BBOF1: variants seen among roughly 807,000 people sequenced by gnomAD.
BBOF1 encodes the protein basal body-orientation factor 1.
BBOF1 carries 62 observed loss-of-function variants against 68.0 expected under a neutral mutation model. The observed-to-expected ratio is 0.91, with a 90% confidence interval of 0.74 to 1.13. The LOEUF is 1.13. Among genes scored for constraint, BBOF1 ranks in the 50% most tolerant of loss-of-function variants. The probability of loss-of-function intolerance (pLI) is 0.00; values close to 1 mark genes in which losing one functional copy is unlikely to be tolerated. For synonymous variants in BBOF1, 208 were observed against 198.8 expected (o/e 1.05, Z -0.39); for missense variants, 534 against 600.1 (o/e 0.89, Z 1.15).
intron 1 of BBOF1, among the ~76,000 whole-genome samples, 162 bp from the exon 2 acceptor site, chr14:74,022,754 A>C (rs1361673566): frequency 6.6e-6 from 1 of 152,166 alleles, no homozygotes. Context: ...TTTCTTATTA[A>C]CTTATTCTTC....
At chr14:74,074,924 A>G in intron 9 of BBOF1, 2 of 1,605,490 alleles carry the variant, frequency 1.2e-6, no homozygotes, top group South Asian at 1.1e-5. Flanking sequence ...ATTCCTTCTC[A>G]GAAGTCAACC....
In BBOF1 at chr14:74,029,284, T is replaced by A. The variant is rs771313079; in HGVS notation, c.351+35T>A. The A allele has an allele frequency of 9.5e-6, 13 of 1,372,446 alleles. No individual in the cohort carries two copies. The East Asian group carries it at 3.0e-4, about 31-fold the overall frequency. 85.0% of individuals were successfully genotyped at this position (1,372,446 alleles called of 1,614,324 possible). A position where few individuals can be genotyped will look rare whatever the true frequency, so the allele number is the denominator to read the frequency against. Reference sequence around the variant, plus strand: ...CTATGTGTACTAATACTCCACTTACTGGATGGTCAGGTTTCTGGCAAGCTC... The same window carrying A: ...CTATGTGTACTAATACTCCACTTACAGGATGGTCAGGTTTCTGGCAAGCTC... On this transcript the variant is annotated intron_variant, in intron 3 of 11. Coordinates refer to ENST00000394009, the MANE Select transcript of BBOF1 (RefSeq NM_025057.3).
At position 74,019,365 on chromosome 14, in the gene BBOF1, C is replaced by G; in HGVS notation, c.-114C>G. 2.2e-6 allele frequency: 3 copies of G among 1,349,994 alleles called. No homozygotes were observed. The highest frequency in any genetic ancestry group is 1.5e-5 in the South Asian group (1 of 65,274). 83.6% of individuals were successfully genotyped at this position (1,349,994 alleles called of 1,614,324 possible). On this transcript the variant is annotated 5_prime_UTR_variant, in exon 1 of 12. Coordinates refer to ENST00000394009, the MANE Select transcript of BBOF1 (RefSeq NM_025057.3). The stretch of plus-strand genomic sequence containing the variant: ...GGCGCGTGCGCTCTCCGCGCGCCGT[C>G]AGCGGCGCGGGTGGGGCATTGCCAG...
intron 1 of BBOF1, 146 bp downstream of exon 1, chr14:74,019,680 C>G: frequency 2.2e-6 from 3 of 1,373,960 alleles, no homozygotes; most frequent in Non-Finnish European, 2.9e-6. Context: ...GCTCCCATGT[C>G]CATAGTCTGG....
chr14:74,064,862 C>G lies in BBOF1; in HGVS notation c.*163C>G, dbSNP rs147635769. On this transcript the variant is annotated 3_prime_UTR_variant, in exon 12 of 12. Coordinates refer to ENST00000394009, the MANE Select transcript of BBOF1 (RefSeq NM_025057.3). The stretch of plus-strand genomic sequence containing the variant: ...ATTGGTGTCTCCCCTGAAGGAGGAT[C>G]GAGAGCCGGTGAATGAGAACATTGG... 21 of 1,613,862 alleles carry G rather than the reference C, an allele frequency of 1.3e-5. No individual in the cohort carries two copies. The highest frequency in any genetic ancestry group is 5.3e-5 in the African/African-American group (4 of 74,868).
rs746600420 is a variant in BBOF1, at chr14:74,072,020, CTT to C, written n.1380-6173_1380-6172del. 6 of 1,598,422 alleles carry C rather than the reference CTT, an allele frequency of 3.8e-6. No homozygotes were observed. In the South Asian group the frequency reaches 5.5e-5, roughly 15 times the overall value. On this transcript the variant is annotated intron_variant and non_coding_transcript_variant, in intron 9 of 12. Transcript: ENST00000492026. The stretch of plus-strand genomic sequence containing the variant: ...TAGAAATTAATGCAAGAATGTTCCT[CTT>C]TTAAATTCTGAGGTAGCAAAGGAAG...
intron 2 of BBOF1, among the ~76,000 whole-genome samples, chr14:74,028,373 AAAAG>A (rs1170798468): frequency 6.6e-6 from 1 of 151,988 alleles, no homozygotes; most frequent in African/African-American, 2.4e-5. Flanking sequence ...TGTCTCAAAA[AAAAG>A]AAAGAAAAAC....
chr14:74,054,071 T>C (rs1290622768), intron 8 of BBOF1, among the ~76,000 whole-genome samples: 1 of 151,782 alleles, frequency 6.6e-6, no homozygotes, highest in African/African-American at 2.4e-5. Flanking sequence ...AGAGACAGAG[T>C]TTCACCATGT....
chr14:74,042,845 T>TTCTC (rs1052857687), intron 5 of BBOF1, among the ~76,000 whole-genome samples: 1 of 141,572 alleles, frequency 7.1e-6, no homozygotes, highest in Non-Finnish European at 1.5e-5. Flanking sequence ...CTCGCTCTGT[T>TTCTC]TCTCTCTCTC....
At chr14:74,069,516 C>T (rs1047516635), downstream of BBOF1, among the ~76,000 whole-genome samples, 5 of 151,728 alleles carry the variant, frequency 3.3e-5, no homozygotes, top group Admixed American at 1.3e-4. Context: ...TTTGGGAGGC[C>T]GAGGCAGGTG....
At chr14:74,041,623 CA>C (rs2059826608) in intron 5 of BBOF1, among the ~76,000 whole-genome samples, 1 of 152,110 alleles carries the variant, frequency 6.6e-6, no homozygotes, top group African/African-American at 2.4e-5. Context: ...AGTCACAGCT[CA>C]CTGCAGCCTT....
At chr14:74,026,789 G>C (rs2059439290) in intron 2 of BBOF1, among the ~76,000 whole-genome samples, 1 of 151,880 alleles carries the variant, frequency 6.6e-6, no homozygotes, top group Non-Finnish European at 1.5e-5. Context: ...GCCGGGTGTG[G>C]TAGTGTGCAC....
intron 9 of BBOF1, among the ~76,000 whole-genome samples, chr14:74,056,198 A>AT (rs34594924): frequency 0.19 from 23,344 of 123,780 alleles, 2,740 homozygotes; most frequent in South Asian, 0.36. Flanking sequence ...CGCCCGGCTA[A>AT]TTTTTTTTTT....
At chr14:74,067,692 G>C, downstream of BBOF1, 1 of 1,034,462 alleles carries the variant, frequency 9.7e-7, no homozygotes, top group Non-Finnish European at 1.5e-6. Context: ...GAAGGCTGAG[G>C]TGAGAAGGAT....
rs1448906789 is a variant in BBOF1 at position 74,065,102 on chromosome 14, T to TG, written c.*404dup. On this transcript the variant is annotated 3_prime_UTR_variant, in exon 12 of 12. Transcript: ENST00000394009. The stretch of plus-strand genomic sequence containing the variant: ...GGTCATGGGGGCAATCTTAAACCAA[T>TG]GACTCACCATTATTTACTGTTTCCT... The TG allele has an allele frequency of 6.5e-7, 1 of 1,549,136 alleles. No homozygotes were observed. Among genetic ancestry groups the TG allele is most frequent in the Admixed American group, 1.7e-5 (1 of 58,850 alleles).
chr14:74,019,835 A>G (rs1455943911), intron 1 of BBOF1, among the ~76,000 whole-genome samples: 1 of 152,254 alleles, frequency 6.6e-6, no homozygotes, highest in Non-Finnish European at 1.5e-5. Flanking sequence ...GGTTTTCCCA[A>G]ACTGATCAGA....
chr14:74,023,568 A>G (rs1394670871), intron 2 of BBOF1, among the ~76,000 whole-genome samples: 1 of 152,156 alleles, frequency 6.6e-6, no homozygotes, highest in African/African-American at 2.4e-5. Context: ...TGAATCTTGT[A>G]TCTTATTGTA....
chr14:74,024,902 C>G (rs2059391041), intron 2 of BBOF1, among the ~76,000 whole-genome samples: 2 of 152,002 alleles, frequency 1.3e-5, no homozygotes, highest in Non-Finnish European at 1.5e-5. Flanking sequence ...AGCACCTGGT[C>G]CAGAAATTTC....
intron 2 of BBOF1, among the ~76,000 whole-genome samples, chr14:74,027,778 C>G (rs2059468329): frequency 1.3e-5 from 2 of 152,062 alleles, no homozygotes; most frequent in African/African-American, 4.8e-5. Flanking sequence ...GAAGAAGCAT[C>G]AGCTAAGCCC....
Sources: gnomAD v4.1 joint callset for allele counts (sites outside exome capture counted in the v4.1 genomes callset) on GRCh38, gnomAD v4.1.1 for gene constraint, MANE v1.5 for transcripts, NCBI Gene and HGNC (gene_info 2026-07-23, HGNC 2026-07-21) for gene names.